THSD7A: variants seen among roughly 807,000 people sequenced by gnomAD.
The protein encoded by THSD7A is thrombospondin type 1 domain containing 7A.
A neutral mutation model predicts 231.3 loss-of-function variants in THSD7A; 96 were observed. That is an observed-to-expected ratio of 0.41 (90% CI 0.35 to 0.49). The LOEUF is 0.49. Ranked by LOEUF, THSD7A falls within the 20% of genes least tolerant of loss-of-function variation. THSD7A has a pLI of 0.05. For missense variants in THSD7A, 2,290 were observed against 2,070.2 expected (o/e 1.11, Z -2.06); for synonymous variants, 940 against 743.3 (o/e 1.26, Z -4.30).
chr7:11,489,265 T>C (rs1449195955), intron 6 of THSD7A, among the ~76,000 whole-genome samples: 3 of 152,136 alleles, frequency 2.0e-5, no homozygotes, highest in Admixed American at 6.6e-5. Context: ...TGTTTATACA[T>C]TTCTAATTGT....
chr7:11,611,787 A>AAC (rs56683135), intron 2 of THSD7A, among the ~76,000 whole-genome samples: 7,918 of 138,600 alleles, frequency 0.057, 311 homozygotes, highest in East Asian at 0.13. Flanking sequence ...AGTACCATAA[A>AAC]ACACACACAC....
chr7:11,555,451 T>G lies in THSD7A; in HGVS notation c.1454-12334A>C, dbSNP rs143246030. Among the ~76,000 whole-genome samples, 277 of 152,044 alleles carry G rather than the reference T, an allele frequency of 1.8e-3. 2 individuals carry two copies. Among genetic ancestry groups the G allele is most frequent in the African/African-American group, 6.3e-3 (262 of 41,552 alleles). On this transcript the variant is annotated intron_variant, in intron 4 of 27. Coordinates refer to ENST00000423059, the MANE Select transcript of THSD7A (RefSeq NM_015204.3). ...GCTCAGAGAACACTCTATAAATTATTTTACATTTGTTGAACTATGTTTTAT... is the reference window on the plus strand; with the variant it reads ...GCTCAGAGAACACTCTATAAATTATGTTACATTTGTTGAACTATGTTTTAT...
rs1787780779 is a variant in THSD7A, at chr7:11,510,925, T to C, written c.1823-28943A>G. On this transcript the variant is annotated intron_variant, in intron 6 of 27. Coordinates refer to ENST00000423059, the MANE Select transcript of THSD7A (RefSeq NM_015204.3). The stretch of plus-strand genomic sequence containing the variant: ...TCCTGTTCAACACAGTGTTGGAAGT[T>C]CTGGCCAGGGCAATCAGGCAGGAGC... 2.0e-5 allele frequency among the ~76,000 whole-genome samples: 3 copies of C among 152,278 alleles called. 1 individual carries two copies. The Middle Eastern group carries it at 0.01, about 518-fold the overall frequency.
chr7:11,513,402 T>G (rs954262783), intron 6 of THSD7A, among the ~76,000 whole-genome samples: 1 of 151,960 alleles, frequency 6.6e-6, no homozygotes, highest in Non-Finnish European at 1.5e-5. Flanking sequence ...ACATCCCAAA[T>G]GTCCATCAAC....
intron 1 of THSD7A, among the ~76,000 whole-genome samples, chr7:11,747,708 A>G (rs1277578409): frequency 6.6e-6 from 1 of 151,908 alleles, no homozygotes; most frequent in African/African-American, 2.4e-5. Context: ...GTGCTGCTGT[A>G]GGGATGGAAA....
At chr7:11,542,172 G>A (rs1426980465) in intron 5 of THSD7A, among the ~76,000 whole-genome samples, 2 of 152,144 alleles carry the variant, frequency 1.3e-5, no homozygotes, top group Non-Finnish European at 2.9e-5. Flanking sequence ...AGACCCTCTG[G>A]AAATTTGAAT....
intron 6 of THSD7A, among the ~76,000 whole-genome samples, chr7:11,491,392 A>C (rs1786886814): frequency 7.0e-6 from 1 of 143,456 alleles, no homozygotes; most frequent in African/African-American, 2.5e-5. Context: ...GACACATGGC[A>C]TTCTATAAAG....
intron 1 of THSD7A, among the ~76,000 whole-genome samples, chr7:11,661,457 G>A (rs545001234): frequency 6.6e-6 from 1 of 150,914 alleles, no homozygotes; most frequent in African/African-American, 2.4e-5. Context: ...ACATGATGGA[G>A]AATTTAAGCA....
chr7:11,796,096 A>G (rs1784117690), intron 1 of THSD7A, among the ~76,000 whole-genome samples: 1 of 144,936 alleles, frequency 6.9e-6, no homozygotes, highest in South Asian at 2.2e-4. Flanking sequence ...GTAATGATCT[A>G]TACTACAAAA....
At chr7:11,822,078 A>C (rs1784890984) in intron 1 of THSD7A, among the ~76,000 whole-genome samples, 1 of 152,102 alleles carries the variant, frequency 6.6e-6, no homozygotes, top group African/African-American at 2.4e-5. Context: ...TATAGGGTAC[A>C]TGCGCAATTT....
chr7:11,503,762 C>T (rs1787433611), intron 6 of THSD7A, among the ~76,000 whole-genome samples: 2 of 152,130 alleles, frequency 1.3e-5, no homozygotes, highest in Admixed American at 1.3e-4. Flanking sequence ...CAGCGAGGTA[C>T]CATCTTACAC....
At chr7:11,606,402 C>T (rs539401746) in intron 2 of THSD7A, among the ~76,000 whole-genome samples, 3 of 152,154 alleles carry the variant, frequency 2.0e-5, no homozygotes, top group Admixed American at 6.6e-5. Flanking sequence ...GATTGATGAG[C>T]GCAACCTATG....
At chr7:11,664,679 T>TA (rs1783054581) in intron 1 of THSD7A, among the ~76,000 whole-genome samples, 1 of 151,914 alleles carries the variant, frequency 6.6e-6, no homozygotes, top group African/African-American at 2.4e-5. Context: ...AGCACTTAAA[T>TA]AACTACCAAG....
At chr7:11,826,643 C>A (rs778267117) in intron 1 of THSD7A, among the ~76,000 whole-genome samples, 1 of 152,004 alleles carries the variant, frequency 6.6e-6, no homozygotes, top group Non-Finnish European at 1.5e-5. Flanking sequence ...GAAACCCAGT[C>A]TGTGCTTAAA....
At chr7:11,597,992 G>T (rs1780424943) in intron 2 of THSD7A, among the ~76,000 whole-genome samples, 1 of 152,158 alleles carries the variant, frequency 6.6e-6, no homozygotes, top group Non-Finnish European at 1.5e-5. Context: ...TTCAAAGATG[G>T]TTCTGCACGG....
chr7:11,535,083 T>C (rs541722326), intron 6 of THSD7A, among the ~76,000 whole-genome samples: 22 of 152,340 alleles, frequency 1.4e-4, no homozygotes, highest in Non-Finnish European at 2.5e-4. Context: ...AAGTTGTAGC[T>C]AACATTCAGT....
At chr7:11,641,704 G>T (rs933242361) in intron 1 of THSD7A, among the ~76,000 whole-genome samples, 1 of 150,322 alleles carries the variant, frequency 6.7e-6, no homozygotes, top group Non-Finnish European at 1.5e-5. Context: ...ATGCATGAAG[G>T]CACCAGTGAA....
chr7:11,648,106 C>T (rs1009217965), intron 1 of THSD7A, among the ~76,000 whole-genome samples: 8 of 152,056 alleles, frequency 5.3e-5, no homozygotes, highest in African/African-American at 1.9e-4. Context: ...AAGCCATTTG[C>T]CATTGCTTAG....
intron 11 of THSD7A, among the ~76,000 whole-genome samples, chr7:11,459,862 T>A (rs1785440086): frequency 6.6e-6 from 1 of 151,952 alleles, no homozygotes; most frequent in East Asian, 1.9e-4. Flanking sequence ...CAAAATACGT[T>A]TTTTATAAAT....
Sources: gnomAD v4.1 joint callset for allele counts (sites outside exome capture counted in the v4.1 genomes callset) on GRCh38, gnomAD v4.1.1 for gene constraint, MANE v1.5 for transcripts, NCBI Gene and HGNC (gene_info 2026-07-23, HGNC 2026-07-21) for gene names.